The following MAMDC2 variants were observed in gnomAD, a reference collection of about 807,000 sequenced individuals.
MAMDC2 encodes the protein MAM domain containing 2, also known as MAM domain-containing protein 2.
Under a neutral mutation model 89.8 loss-of-function variants are expected in MAMDC2, and 57 were observed. The observed-to-expected ratio is 0.63, with a 90% CI of 0.51 to 0.79. MAMDC2 has a LOEUF of 0.79. Among genes scored for constraint, MAMDC2 ranks in the 30% least tolerant of loss-of-function variants. The pLI, the probability that MAMDC2 is intolerant of heterozygous loss-of-function variation, is 0.00. For synonymous variants in MAMDC2, 313 were observed against 293.4 expected, an observed-to-expected ratio of 1.07 and a Z score of -0.68; for missense variants, 800 against 820.6, an observed-to-expected ratio of 0.97 and a Z score of 0.31.
intron 2 of MAMDC2, chr9:70,087,607 C>G (rs1214959962): frequency 6.6e-6 from 1 of 152,136 alleles, no homozygotes. Context: ...TCTGATTGGT[C>G]AAGCCTGGGT....
chr9:70,217,344 C>A, intron 11 of MAMDC2: 1 of 1,382,430 alleles, frequency 7.2e-7, no homozygotes, highest in Non-Finnish European at 1.0e-6. Flanking sequence ...GGCAGATAAA[C>A]TGGACTGTCC....
intron 7 of MAMDC2, among the ~76,000 whole-genome samples, chr9:70,134,990 G>C (rs569929331): frequency 2.2e-4 from 34 of 152,158 alleles, no homozygotes; most frequent in South Asian, 4.1e-4. Context: ...CTGTGGGACC[G>C]ATGTTGAGTT....
At position 70,140,169 on chromosome 9, in the gene MAMDC2, C is replaced by G. The variant is rs766916360; in HGVS notation, c.1019C>G (p.Ala340Gly). The G allele has an allele frequency of 8.2e-6, 13 of 1,593,430 alleles. 1 individual carries two copies. In the South Asian group the frequency reaches 1.5e-4, roughly 18 times the overall value. ...QTELLFSAVE[A>G]SCNFEQDLCN... ...GAACTTCTGTTCAGTGCCGTGGAAG[C>G]CAGCTGCAATTTTGAGCAAGATCTC... is the stretch of plus-strand genomic sequence containing the variant. The change falls in exon 8 of 14, where the codon GCC (alanine) becomes GGC (glycine). Residue 340 changes from alanine (A) to glycine (G), a missense_variant. Transcript: ENST00000377182.
intron 9 of MAMDC2, among the ~76,000 whole-genome samples, chr9:70,161,355 G>C (rs564494845): frequency 6.6e-6 from 1 of 152,256 alleles, no homozygotes; most frequent in South Asian, 2.1e-4. Flanking sequence ...CTTGATCTCT[G>C]TCGCTTGTAA....
chr9:70,165,062 C>T (rs1315324727), intron 9 of MAMDC2, among the ~76,000 whole-genome samples: 4 of 151,640 alleles, frequency 2.6e-5, no homozygotes, highest in East Asian at 1.9e-4. Flanking sequence ...CCACTTGCTT[C>T]GAAATACTGC....
chr9:70,184,413 T>G (rs1333110438), intron 11 of MAMDC2, among the ~76,000 whole-genome samples: 1 of 152,186 alleles, frequency 6.6e-6, no homozygotes, highest in Non-Finnish European at 1.5e-5. Flanking sequence ...ATTTCCTGAA[T>G]TTGAATGTTG....
chr9:70,099,934 C>G (rs1346233371), intron 2 of MAMDC2, among the ~76,000 whole-genome samples: 1 of 150,004 alleles, frequency 6.7e-6, no homozygotes, highest in East Asian at 2.0e-4. Flanking sequence ...GAGGTTACGC[C>G]ACTGCACTCC....
intron 11 of MAMDC2, among the ~76,000 whole-genome samples, chr9:70,214,491 T>G (rs1263746424): frequency 6.6e-6 from 1 of 152,236 alleles, no homozygotes; most frequent in Non-Finnish European, 1.5e-5. Flanking sequence ...GGAGACTGTA[T>G]GGGGTTCTAA....
At chr9:70,084,677 A>C (rs1827728171) in intron 2 of MAMDC2, among the ~76,000 whole-genome samples, 2 of 152,134 alleles carry the variant, frequency 1.3e-5, no homozygotes, top group Admixed American at 1.3e-4. Context: ...TCAGTGAATA[A>C]GCCATTTGGA....
intron 2 of MAMDC2, chr9:70,088,484 G>A (rs1827820841): frequency 6.6e-6 from 1 of 151,996 alleles, no homozygotes; most frequent in Non-Finnish European, 1.5e-5. Flanking sequence ...CTGGGCCTTA[G>A]CTTCCAAGTC....
At chr9:70,049,339 C>T (rs1945381552) in intron 2 of MAMDC2, among the ~76,000 whole-genome samples, 1 of 152,158 alleles carries the variant, frequency 6.6e-6, no homozygotes, top group Non-Finnish European at 1.5e-5. Flanking sequence ...AGCTCCTTGG[C>T]CATCTGCGTT....
chr9:70,161,125 G>T (rs974734382), intron 9 of MAMDC2, among the ~76,000 whole-genome samples: 7 of 152,102 alleles, frequency 4.6e-5, no homozygotes, highest in African/African-American at 1.7e-4. Context: ...TGATTCTGTG[G>T]TCCCTTCTGG....
intron 2 of MAMDC2, among the ~76,000 whole-genome samples, chr9:70,078,395 C>T (rs568914371): frequency 6.6e-6 from 1 of 152,286 alleles, no homozygotes; most frequent in South Asian, 2.1e-4. Context: ...ATAATTTAAA[C>T]GTTTCACAAG....
chr9:70,204,300 T>C (rs946462299), intron 11 of MAMDC2, among the ~76,000 whole-genome samples: 5 of 151,670 alleles, frequency 3.3e-5, no homozygotes, highest in Admixed American at 6.6e-5. Context: ...TGCAGGTCTG[T>C]TGGAATACCC....
chr9:70,062,874 AC>A (rs1342605165), intron 2 of MAMDC2: 1 of 152,216 alleles, frequency 6.6e-6, no homozygotes, highest in Non-Finnish European at 1.5e-5. Context: ...TATTCATTCA[AC>A]AAGTATCTAC....
chr9:70,181,499 T>C (rs761331253), intron 11 of MAMDC2, among the ~76,000 whole-genome samples: 22 of 152,324 alleles, frequency 1.4e-4, no homozygotes, highest in Middle Eastern at 6.8e-3. Context: ...GAATTTTTTT[T>C]CCATTTGTTT....
rs2033473736 is a variant in MAMDC2 at position 70,217,609 on chromosome 9, A to C, written c.1652-728A>C. 8.1e-6 allele frequency: 13 copies of C among 1,610,450 alleles called. No individual in the cohort carries two copies. In the South Asian group the frequency reaches 1.4e-4, roughly 18 times the overall value. ...TAAGGCACCTACAAAGGCAGCACCTAAGCAAAAGATTGTGAAGCCTGTGAA... is the reference window on the plus strand; with the variant it reads ...TAAGGCACCTACAAAGGCAGCACCTCAGCAAAAGATTGTGAAGCCTGTGAA... On this transcript the variant is annotated intron_variant, in intron 11 of 13. Transcript: ENST00000377182.
At chr9:70,084,010 T>C (rs1342566400) in intron 2 of MAMDC2, among the ~76,000 whole-genome samples, 2 of 152,116 alleles carry the variant, frequency 1.3e-5, no homozygotes, top group East Asian at 3.9e-4. Context: ...TTTTCCAATG[T>C]TAATGTTTTG....
At chr9:70,046,324 T>C (rs1358822507) in intron 2 of MAMDC2, among the ~76,000 whole-genome samples, 1 of 152,260 alleles carries the variant, frequency 6.6e-6, no homozygotes, top group African/African-American at 2.4e-5. Flanking sequence ...TGTGCTGTTG[T>C]TGGCTCTGAG....
Sources: gnomAD v4.1 joint callset for allele counts (sites outside exome capture counted in the v4.1 genomes callset) on GRCh38, gnomAD v4.1.1 for gene constraint, MANE v1.5 for transcripts, NCBI Gene and HGNC (gene_info 2026-07-23, HGNC 2026-07-21) for gene names.